PCDHA3: variants seen among roughly 807,000 people sequenced by gnomAD.
PCDHA3 encodes protocadherin alpha-3.
In PCDHA3, 41 loss-of-function variants were observed where a neutral mutation model predicts 62.2. That is an observed-to-expected ratio of 0.66 (90% confidence interval 0.51 to 0.86). The LOEUF is 0.86. Among genes scored for constraint, PCDHA3 ranks in the 40% least tolerant of loss-of-function variants. PCDHA3 has a pLI of 0.00. For missense variants in PCDHA3, 1,304 were observed against 1,241.2 expected (o/e 1.05, Z -0.76); for synonymous variants, 640 against 555.4 (o/e 1.15, Z -2.14).
At chr5:141,005,574 T>C (rs567844252) in intron 3 of PCDHA3, among the ~76,000 whole-genome samples, 58 of 150,842 alleles carry the variant, frequency 3.8e-4, no homozygotes, top group Non-Finnish European at 7.5e-4. Flanking sequence ...TGGTGGCGCG[T>C]GCCTGTAGTC....
chr5:140,849,568 C>T (rs2040965455), intron 1 of PCDHA3: 1 of 1,598,504 alleles, frequency 6.3e-7, no homozygotes, highest in Non-Finnish European at 8.6e-7. Context: ...CTCTCGGTTC[C>T]TGTAAAAGAG....
At chr5:140,869,561 C>T (rs781968482) in intron 1 of PCDHA3, 28 of 1,614,032 alleles carry the variant, frequency 1.7e-5, no homozygotes, top group Middle Eastern at 1.6e-4. Context: ...TCGCGTTTTC[C>T]ACTAGAGGGA....
In PCDHA3 at chr5:140,987,930, G is replaced by T. The variant is rs554856826; in HGVS notation, c.2542+5367G>T. Among the ~76,000 whole-genome samples, 18 of 152,196 alleles carry T rather than the reference G, an allele frequency of 1.2e-4. No individual in the cohort carries two copies. The South Asian group carries it at 2.1e-3, about 18-fold the overall frequency. Reference sequence around the variant, plus strand: ...GATTTATATTCTTAATTGTCTCAAGGATTCTTACCTGTCTGACAAAACCAA... The same window carrying T: ...GATTTATATTCTTAATTGTCTCAAGTATTCTTACCTGTCTGACAAAACCAA... On this transcript the variant is annotated intron_variant, in intron 3 of 3. Transcript: ENST00000522353.
Position 140,848,296 on chromosome 5 carries a change from G to T in PCDHA3, c.2394+44705G>T, listed in dbSNP as rs181978789. 1.7e-5 allele frequency: 11 copies of T among 652,922 alleles called. No individual in the cohort carries two copies. The East Asian group carries it at 2.5e-4, about 15-fold the overall frequency. 40.4% of individuals were successfully genotyped at this position (652,922 alleles called of 1,614,324 possible). ...AATATGTACTTACACTTTGGGCCACGTGATGTCACTCTTTGCCGCGATGTT... is the reference window on the plus strand; with the variant it reads ...AATATGTACTTACACTTTGGGCCACTTGATGTCACTCTTTGCCGCGATGTT... On this transcript the variant is annotated intron_variant, in intron 1 of 3. Coordinates refer to ENST00000522353, the MANE Select transcript of PCDHA3 (RefSeq NM_018906.3).
At chr5:140,979,175 A>C in intron 2 of PCDHA3, 168 bp downstream of exon 2, 8 of 951,628 alleles carry the variant, frequency 8.4e-6, no homozygotes, top group Non-Finnish European at 1.0e-5. Flanking sequence ...AAAGATCGCA[A>C]ATGGTCAGTG....
intron 1 of PCDHA3, chr5:140,884,328 T>C: frequency 1.2e-6 from 2 of 1,613,822 alleles, no homozygotes; most frequent in Non-Finnish European, 1.7e-6. Flanking sequence ...GCAGGCGCTG[T>C]GGGTCCAGAA....
At chr5:140,823,762 A>C (rs2150128894) in intron 1 of PCDHA3, 1 of 1,613,864 alleles carries the variant, frequency 6.2e-7, no homozygotes, top group East Asian at 2.2e-5. Flanking sequence ...AGCCACAGCC[A>C]CAGTGCTGGT....
At chr5:140,981,332 G>A (rs1407839547) in intron 2 of PCDHA3, among the ~76,000 whole-genome samples, 1 of 152,182 alleles carries the variant, frequency 6.6e-6, no homozygotes, top group Non-Finnish European at 1.5e-5. Context: ...CCAGCACTTT[G>A]GGAGGGTGAG....
At chr5:140,947,209 A>C (rs1462777257) in intron 1 of PCDHA3, among the ~76,000 whole-genome samples, 2 of 151,580 alleles carry the variant, frequency 1.3e-5, no homozygotes, top group Non-Finnish European at 3.0e-5. Flanking sequence ...AAAAAAAGAA[A>C]ATCCTGTCAT....
intron 1 of PCDHA3, chr5:140,830,507 A>G (rs1226848199): frequency 1.4e-6 from 2 of 1,423,508 alleles, no homozygotes; most frequent in Non-Finnish European, 1.9e-6. Context: ...TTCATAATTA[A>G]CAGTTAATTT....
chr5:140,945,533 A>G (rs1007849839), intron 1 of PCDHA3, among the ~76,000 whole-genome samples: 2 of 152,084 alleles, frequency 1.3e-5, no homozygotes, highest in African/African-American at 4.8e-5. Flanking sequence ...AAAACAAAAC[A>G]TACAAACAAA....
chr5:140,948,267 A>C (rs964252489), intron 1 of PCDHA3, among the ~76,000 whole-genome samples: 1 of 151,646 alleles, frequency 6.6e-6, no homozygotes, highest in South Asian at 2.1e-4. Context: ...GTGTTCATGT[A>C]GAATATCTGT....
intron 1 of PCDHA3, among the ~76,000 whole-genome samples, chr5:140,974,838 A>G (rs1554236389): frequency 6.6e-6 from 1 of 152,134 alleles, no homozygotes; most frequent in Admixed American, 6.5e-5. Context: ...ATTATTTTAA[A>G]TGTTATATTC....
At chr5:140,919,262 G>A (rs1482345606) in intron 1 of PCDHA3, among the ~76,000 whole-genome samples, 2 of 152,142 alleles carry the variant, frequency 1.3e-5, no homozygotes, top group African/African-American at 4.8e-5. Context: ...TCTGATATTA[G>A]TGTAGTCACT....
intron 1 of PCDHA3, chr5:140,835,730 C>A: frequency 1.2e-6 from 2 of 1,613,804 alleles, no homozygotes; most frequent in South Asian, 1.1e-5. Context: ...CCGACGTGAA[C>A]GACAACGCCC....
intron 1 of PCDHA3, chr5:140,809,158 C>G (rs782790826): frequency 3.1e-6 from 5 of 1,613,830 alleles, no homozygotes; most frequent in East Asian, 2.2e-5. Flanking sequence ...ACGGCGAGCC[C>G]GCGCTGACGG....
chr5:140,877,015 G>A, intron 1 of PCDHA3: 1 of 1,612,474 alleles, frequency 6.2e-7, no homozygotes, highest in Non-Finnish European at 8.5e-7. Context: ...CGCGGAGAGC[G>A]GCAAGGTGTA....
intron 1 of PCDHA3, chr5:140,882,780 G>T: frequency 1.2e-6 from 2 of 1,614,160 alleles, no homozygotes; most frequent in Non-Finnish European, 1.7e-6. Context: ...TTGACCTACC[G>T]ACTGGATCCC....
chr5:140,843,415 G>A (rs2150359556), intron 1 of PCDHA3: 2 of 1,596,114 alleles, frequency 1.3e-6, no homozygotes, highest in East Asian at 2.2e-5. Context: ...ATGTCAACGT[G>A]TACCTGATCA....
Sources: allele counts gnomAD v4.1 joint callset (sites outside exome capture counted in the v4.1 genomes callset), GRCh38; gene constraint gnomAD v4.1.1; transcripts MANE v1.5; gene names NCBI Gene and HGNC (gene_info 2026-07-23, HGNC 2026-07-21).